TMEM98: variants seen among roughly 807,000 people sequenced by gnomAD.
The protein encoded by TMEM98 is transmembrane protein 98.
In TMEM98, 18 loss-of-function variants were observed where a neutral mutation model predicts 25.0. The observed-to-expected ratio is 0.72, with a 90% CI of 0.50 to 1.07. The LOEUF (loss-of-function observed/expected upper bound fraction) is 1.07, where lower values mean the gene tolerates loss of function less well. Among genes scored for constraint, TMEM98 ranks in the 50% least tolerant of loss-of-function variants. The pLI is 0.00. For synonymous variants in TMEM98, 103 were observed against 112.4 expected (o/e 0.92, Z 0.53); for missense variants, 241 against 289.0 (o/e 0.83, Z 1.20).
chr17:32,937,849 C>G (rs573575791), intron 6 of TMEM98, among the ~76,000 whole-genome samples: 17 of 152,250 alleles, frequency 1.1e-4, no homozygotes, highest in Non-Finnish European at 1.8e-4. Flanking sequence ...CCTCAGCCTC[C>G]CACAGTGCTG....
At position 32,933,316 on chromosome 17, in the gene TMEM98, G is replaced by C. The variant is rs1598200443; in HGVS notation, c.263+11G>C. 1.9e-6 allele frequency: 3 copies of C among 1,613,990 alleles called. No homozygotes were observed. The highest frequency in any genetic ancestry group is 1.6e-4 in the Middle Eastern group (1 of 6,062). The stretch of plus-strand genomic sequence containing the variant: ...GATCGAAGATGCCTCGTAAGGCCAT[G>C]GGAACTGTTTGCTTCCGGGCTTCTG... On this transcript the variant is annotated intron_variant, in intron 4 of 7. Coordinates refer to ENST00000579849, the MANE Select transcript of TMEM98 (RefSeq NM_015544.3).
At chr17:32,936,481 C>A (rs764573993) in intron 6 of TMEM98, 34 bp downstream of exon 6, 2 of 1,576,350 alleles carry the variant, frequency 1.3e-6, no homozygotes, top group Admixed American at 3.4e-5. Flanking sequence ...TCCCCACACT[C>A]CCTGAGGGAA....
At chr17:32,930,623 T>C (rs1254355334) in intron 1 of TMEM98, among the ~76,000 whole-genome samples, 5 of 152,224 alleles carry the variant, frequency 3.3e-5, no homozygotes, top group African/African-American at 1.2e-4. Flanking sequence ...GTAGAGTGAA[T>C]GTCCATCTCA....
chr17:32,933,194 G>C lies in TMEM98; in HGVS notation c.152G>C (p.Gly51Ala), dbSNP rs747484908. Reference protein sequence around the residue: ...YDSKPIVDLIGAMETQSEPSE... With the variant: ...YDSKPIVDLIAAMETQSEPSE... ...TCCAGGCCCATTGTGGACCTCATTG[G>C]TGCCATGGAGACCCAGTCTGAGCCC... The change falls in exon 4 of 8, where the codon GGT becomes GCT. Residue 51 changes from glycine (G) to alanine (A), a missense_variant. Physicochemically the swap from Gly to Ala is moderately conservative, Grantham distance 60. Coordinates refer to ENST00000579849, the MANE Select transcript of TMEM98 (RefSeq NM_015544.3). 7.4e-6 allele frequency: 12 copies of C among 1,614,144 alleles called. No individual in the cohort carries two copies. The highest frequency in any genetic ancestry group is 1.0e-5 in the Non-Finnish European group (12 of 1,180,014).
At chr17:32,934,195 G>A in intron 4 of TMEM98, 96 bp from the exon 5 acceptor site, 10 of 1,411,808 alleles carry the variant, frequency 7.1e-6, no homozygotes, top group Non-Finnish European at 1.0e-5. Flanking sequence ...ATTGGGCTGT[G>A]CCCACCGGTC....
rs28259 is a variant in TMEM98 at position 32,940,997 on chromosome 17, C to T, written c.*4C>T. 141,904 of 1,596,416 alleles carry T rather than the reference C, an allele frequency of 0.089. 6,989 individuals carry two copies. The highest frequency in any genetic ancestry group is 0.097 in the Non-Finnish European group (113,806 of 1,170,600). On this transcript the variant is annotated 3_prime_UTR_variant, in exon 8 of 8. Transcript: ENST00000579849. ...GCAGGAGCAGTCTGCAATTTAGTGC[C>T]TACAGGCCAGCAGCTAGCCATGAAG...
At chr17:32,930,033 G>A (rs1467888697) in intron 1 of TMEM98, among the ~76,000 whole-genome samples, 1 of 152,092 alleles carries the variant, frequency 6.6e-6, no homozygotes, top group Non-Finnish European at 1.5e-5. Flanking sequence ...AGTGAATGGT[G>A]ACCGAGAGCG....
At chr17:32,930,628 A>G (rs1420030989) in intron 1 of TMEM98, among the ~76,000 whole-genome samples, 1 of 152,222 alleles carries the variant, frequency 6.6e-6, no homozygotes, top group Non-Finnish European at 1.5e-5. Flanking sequence ...GTGAATGTCC[A>G]TCTCAGTGTA....
intron 5 of TMEM98, 148 bp from the exon 6 acceptor site, chr17:32,936,184 C>G (rs1274992550): frequency 3.2e-6 from 2 of 615,770 alleles, no homozygotes; most frequent in Non-Finnish European, 5.6e-6. Context: ...CACCCGTTTC[C>G]TCTCATCTCT....
At position 32,941,054 on chromosome 17, in the gene TMEM98, T is replaced by C; in HGVS notation, c.*61T>C. 1 of 1,418,242 alleles carries C rather than the reference T, an allele frequency of 7.1e-7. No homozygotes were observed. The allele number at this position is 1,418,242 out of a possible 1,614,324, so 87.9% of individuals were successfully genotyped here. A position where few individuals can be genotyped will look rare whatever the true frequency, so the allele number is the denominator to read the frequency against. On this transcript the variant is annotated 3_prime_UTR_variant, in exon 8 of 8. Transcript: ENST00000579849. ...GCCGCCATCCCTGGATGGCTCAGCTTAGCCTTCTACTTTTTCCTATAGAGT... is the reference window on the plus strand; with the variant it reads ...GCCGCCATCCCTGGATGGCTCAGCTCAGCCTTCTACTTTTTCCTATAGAGT...
intron 7 of TMEM98, 83 bp from the exon 8 acceptor site, chr17:32,940,703 G>T: frequency 1.5e-6 from 2 of 1,352,230 alleles, no homozygotes; most frequent in Admixed American, 4.1e-5. Flanking sequence ...GGGAATACTA[G>T]TCAAAAAGTC....
intron 1 of TMEM98, among the ~76,000 whole-genome samples, chr17:32,928,997 C>T (rs183660116): frequency 4.2e-4 from 64 of 151,068 alleles, no homozygotes; most frequent in Non-Finnish European, 7.7e-4. Flanking sequence ...AGTTCACACT[C>T]GCTCAGAAGC....
chr17:32,936,292 G>A (rs968835833), intron 5 of TMEM98, 40 bp from the exon 6 acceptor site: 1 of 1,563,190 alleles, frequency 6.4e-7, no homozygotes, highest in Non-Finnish European at 8.8e-7. Context: ...CCTGAGTGGA[G>A]CCAGGTCAGC....
chr17:32,936,191 C>A, intron 5 of TMEM98, 141 bp from the exon 6 acceptor site: 1 of 660,722 alleles, frequency 1.5e-6, no homozygotes, highest in Non-Finnish European at 2.6e-6. Context: ...TTCCTCTCAT[C>A]TCTGTACTTT....
chr17:32,931,734 T>C, intron 3 of TMEM98, 75 bp downstream of exon 3: 1 of 1,527,882 alleles, frequency 6.5e-7, no homozygotes, highest in Non-Finnish European at 8.8e-7. Context: ...CGTAGTTCAG[T>C]GTTGGGCAAC....
At chr17:32,938,383 TCCTCA>T in intron 6 of TMEM98, among the ~76,000 whole-genome samples, 1 of 152,350 alleles carries the variant, frequency 6.6e-6, no homozygotes, top group South Asian at 2.1e-4. Context: ...TCTCTGCATG[TCCTCA>T]CCGGCTCCAC....
At chr17:32,940,741 C>T (rs1214538219) in intron 7 of TMEM98, 45 bp from the exon 8 acceptor site, 2 of 1,579,032 alleles carry the variant, frequency 1.3e-6, no homozygotes. Context: ...GTGCAAAGTC[C>T]CTCATTTCCT....
chr17:32,934,553 A>G (rs574249734), intron 5 of TMEM98, among the ~76,000 whole-genome samples: 22 of 152,312 alleles, frequency 1.4e-4, no homozygotes, highest in Non-Finnish European at 2.8e-4. Flanking sequence ...TCTTAATTCA[A>G]TGACCTGTGG....
rs567593982 is a variant in TMEM98 at position 32,935,023 on chromosome 17, T to C, written c.297+699T>C. Among the ~76,000 whole-genome samples the C allele has an allele frequency of 2.0e-5, 3 of 152,326 alleles. No individual in the cohort carries two copies. The South Asian group carries it at 6.2e-4, about 32-fold the overall frequency. On this transcript the variant is annotated intron_variant, in intron 5 of 7. Coordinates refer to ENST00000579849, the MANE Select transcript of TMEM98 (RefSeq NM_015544.3). ...TTGCAAATATCAGGGTTTTTTTTTT[T>C]ACATCAGTAACCTGGGTAATCACAC...
Sources: allele counts gnomAD v4.1 joint callset (sites outside exome capture counted in the v4.1 genomes callset), GRCh38; gene constraint gnomAD v4.1.1; transcripts MANE v1.5; gene names NCBI Gene and HGNC (gene_info 2026-07-23, HGNC 2026-07-21).